The following CASQ2 variants were observed in gnomAD, a reference collection of about 807,000 sequenced individuals.
CASQ2 encodes the protein calsequestrin 2.
A neutral mutation model predicts 46.5 loss-of-function variants in CASQ2; 49 were observed. That is an observed-to-expected ratio of 1.05 (90% CI 0.84 to 1.34). CASQ2 has a LOEUF of 1.34. Among genes scored for constraint, CASQ2 ranks in the 40% most tolerant of loss-of-function variants. CASQ2 has a pLI of 0.00. For synonymous variants in CASQ2, 174 were observed against 168.5 expected (o/e 1.03, Z -0.25); for missense variants, 486 against 481.3 (o/e 1.01, Z -0.09).
chr1:115,762,833 A>C (rs911211207), intron 1 of CASQ2, among the ~76,000 whole-genome samples: 1 of 152,200 alleles, frequency 6.6e-6, no homozygotes, highest in Non-Finnish European at 1.5e-5. Flanking sequence ...GTCAAGGTAG[A>C]AGGGGAAGAG....
At chr1:115,748,407 G>A (rs1648459762) in intron 1 of CASQ2, among the ~76,000 whole-genome samples, 1 of 152,034 alleles carries the variant, frequency 6.6e-6, no homozygotes, top group African/African-American at 2.4e-5. Flanking sequence ...CTTCTTCGAA[G>A]AGCAAGGATT....
Position 115,718,799 on chromosome 1 carries a change from C to T in CASQ2, c.784-905G>A, listed in dbSNP as rs551375201. Among the ~76,000 whole-genome samples, 9 of 152,280 alleles carry T rather than the reference C, an allele frequency of 5.9e-5. No individual in the cohort carries two copies. In the East Asian group the frequency reaches 1.7e-3, roughly 29 times the overall value. On this transcript the variant is annotated intron_variant, in intron 7 of 10. Coordinates refer to ENST00000261448, the MANE Select transcript of CASQ2 (RefSeq NM_001232.4). ...ACCCTGGGCAGCAAGGACCCTATGC[C>T]TTGTGTCTCCTTTGCAATGATTATT...
chr1:115,768,610 G>T lies in CASQ2; in HGVS notation c.-69C>A. 9.7e-7 allele frequency: 1 copy of T among 1,028,220 alleles called. No individual in the cohort carries two copies. The highest frequency in any genetic ancestry group is 1.5e-6 in the Non-Finnish European group (1 of 670,534). The allele number at this position is 1,028,220 out of a possible 1,614,324, so 63.7% of individuals were successfully genotyped here. A position where few individuals can be genotyped will look rare whatever the true frequency, so the allele number is the denominator to read the frequency against. Reference sequence around the variant, plus strand: ...GAATAGAGGACAGAAGACTGTTAGAGGCCTTGTTGAGCCAAGGAGAGAGCA... The same window carrying T: ...GAATAGAGGACAGAAGACTGTTAGATGCCTTGTTGAGCCAAGGAGAGAGCA... On this transcript the variant is annotated 5_prime_UTR_variant, in exon 1 of 11. Coordinates refer to ENST00000261448, the MANE Select transcript of CASQ2 (RefSeq NM_001232.4).
chr1:115,722,646 TA>T (rs1647417737), intron 7 of CASQ2, among the ~76,000 whole-genome samples: 1 of 152,036 alleles, frequency 6.6e-6, no homozygotes. Flanking sequence ...AAACTGAAGA[TA>T]AAGCCACAGC....
At chr1:115,734,734 G>C (rs1397728512) in intron 4 of CASQ2, among the ~76,000 whole-genome samples, 1 of 151,884 alleles carries the variant, frequency 6.6e-6, no homozygotes, top group East Asian at 1.9e-4. Flanking sequence ...ACTTATCTTA[G>C]CATTTTCTCT....
intron 8 of CASQ2, among the ~76,000 whole-genome samples, chr1:115,707,935 A>T (rs1654411566): frequency 6.6e-6 from 1 of 152,240 alleles, no homozygotes; most frequent in Non-Finnish European, 1.5e-5. Context: ...CTAGGCAGGC[A>T]CAAGTGTTGT....
Position 115,768,455 on chromosome 1 carries a change from A to G in CASQ2, c.87T>C (p.Asp29=), listed in dbSNP as rs772180952. 5.0e-6 allele frequency: 8 copies of G among 1,613,706 alleles called. No homozygotes were observed. In the Admixed American group the frequency reaches 8.3e-5, roughly 17 times the overall value. ...AAAGACTTACCACTCGGTCCTTCCC[A>G]TCATATGTGGGGAAATTAAGCCCCT... ...AEEGLNFPTY[D]GKDRVVSLSE... Residue 29 remains aspartate (D), a synonymous_variant, in exon 1 of 11, where the codon GAT becomes GAC. Coordinates refer to ENST00000261448, the MANE Select transcript of CASQ2 (RefSeq NM_001232.4).
chr1:115,721,555 T>C (rs1242721750), intron 7 of CASQ2, among the ~76,000 whole-genome samples: 1 of 152,078 alleles, frequency 6.6e-6, no homozygotes, highest in Non-Finnish European at 1.5e-5. Flanking sequence ...TCTGGGGAAG[T>C]GGATGTTGAA....
At chr1:115,705,978 A>G (rs1654346595) in intron 8 of CASQ2, among the ~76,000 whole-genome samples, 1 of 152,210 alleles carries the variant, frequency 6.6e-6, no homozygotes, top group Admixed American at 6.5e-5. Flanking sequence ...ACCTTGAAGG[A>G]CTAGGAGCAT....
chr1:115,740,015 T>A (rs1445520308), intron 3 of CASQ2, among the ~76,000 whole-genome samples: 1 of 152,180 alleles, frequency 6.6e-6, no homozygotes, highest in East Asian at 1.9e-4. Context: ...TCCAACTCAC[T>A]TCTGACCTTC....
intron 1 of CASQ2, among the ~76,000 whole-genome samples, chr1:115,753,242 C>T (rs557822088): frequency 3.5e-4 from 53 of 151,986 alleles, no homozygotes; most frequent in African/African-American, 1.1e-3. Context: ...CTTTGGGAGA[C>T]GAGTATGAAA....
chr1:115,711,303 G>T lies in CASQ2; in HGVS notation c.839-6011C>A, dbSNP rs996027745. Among the ~76,000 whole-genome samples the T allele has an allele frequency of 2.6e-5, 4 of 152,278 alleles. No individual in the cohort carries two copies. The South Asian group carries it at 8.3e-4, about 32-fold the overall frequency. On this transcript the variant is annotated intron_variant, in intron 8 of 10. Transcript: ENST00000261448. ...TTGTGTGGCAGGTGGACAGATAAAC[G>T]GCCGGGGCTGGAACCACACAGCTTA...
chr1:115,721,851 A>G (rs957735017), intron 7 of CASQ2, among the ~76,000 whole-genome samples: 5 of 152,184 alleles, frequency 3.3e-5, no homozygotes, highest in Admixed American at 6.5e-5. Context: ...GACTATAGAC[A>G]TGAGCCACCT....
chr1:115,725,619 C>G, intron 6 of CASQ2, 66 bp from the exon 7 acceptor site: 3 of 1,535,952 alleles, frequency 2.0e-6, no homozygotes, highest in South Asian at 1.2e-5. Flanking sequence ...GTGGCAGACA[C>G]AGCAGCCACA....
rs746050220 is a variant in CASQ2, at chr1:115,768,359, A to G, written c.183T>C (p.Ser61=). Residue 61 remains serine, a synonymous_variant, in exon 1 of 11, where the codon TCT becomes TCC. Coordinates refer to ENST00000261448, the MANE Select transcript of CASQ2 (RefSeq NM_001232.4). ...ACTGTTTTTGCGTGACCTTATCTGA[A>G]GACACCGGCTCATGGTAGTAGAGGC... ...LLCLYYHEPV[S]SDKVTQKQFQ... 2 of 1,614,130 alleles carry G rather than the reference A, an allele frequency of 1.2e-6. No individual in the cohort carries two copies. Among genetic ancestry groups the G allele is most frequent in the Non-Finnish European group, 1.7e-6 (2 of 1,180,000 alleles).
rs185493512 is a variant in CASQ2 at position 115,710,535 on chromosome 1, G to A, written c.839-5243C>T. Among the ~76,000 whole-genome samples, 992 of 152,296 alleles carry A rather than the reference G, an allele frequency of 6.5e-3. 37 individuals are homozygous for A. The highest frequency in any genetic ancestry group is 0.059 in the Admixed American group (909 of 15,294). On this transcript the variant is annotated intron_variant, in intron 8 of 10. Transcript: ENST00000261448. ...GCCCAGTGTGAAAGCTTCAACATCA[G>A]GGAAGCAGGGGCTGGGACACTGAGG... is the stretch of plus-strand genomic sequence containing the variant.
At chr1:115,765,986 C>T (rs77857243) in intron 1 of CASQ2, among the ~76,000 whole-genome samples, 7,887 of 152,290 alleles carry the variant, frequency 0.052, 694 homozygotes, top group African/African-American at 0.18. Context: ...ATGGACTTCC[C>T]GGAGCCATTT....
chr1:115,748,589 G>C (rs529108268), intron 1 of CASQ2, among the ~76,000 whole-genome samples: 6 of 141,780 alleles, frequency 4.2e-5, no homozygotes, highest in South Asian at 2.2e-4. Context: ...AAGATGAAAG[G>C]CATCATCAGT....
At chr1:115,705,103 C>T in intron 9 of CASQ2, 89 bp downstream of exon 9, 2 of 876,464 alleles carry the variant, frequency 2.3e-6, no homozygotes, top group South Asian at 1.3e-5. Context: ...TCTTCAAGTG[C>T]CCCTGCCTAT....
Sources: gnomAD v4.1 joint callset for allele counts (sites outside exome capture counted in the v4.1 genomes callset) on GRCh38, gnomAD v4.1.1 for gene constraint, MANE v1.5 for transcripts, NCBI Gene and HGNC (gene_info 2026-07-23, HGNC 2026-07-21) for gene names.